PCYOX1: variants seen among roughly 807,000 people sequenced by gnomAD.
The protein encoded by PCYOX1 is prenylcysteine oxidase 1.
In PCYOX1, 46 loss-of-function variants were observed where a neutral mutation model predicts 46.4. The observed-to-expected ratio is 0.99, with a 90% CI of 0.78 to 1.27. PCYOX1 has a LOEUF of 1.27. Ranked by LOEUF, PCYOX1 falls within the 50% of genes most tolerant of loss-of-function variation. PCYOX1 has a pLI of 0.00. For missense variants in PCYOX1, 658 were observed against 628.3 expected (o/e 1.05, Z -0.51); for synonymous variants, 220 against 231.8 (o/e 0.95, Z 0.46).
At chr2:70,268,785 G>A (rs1336709057) in intron 3 of PCYOX1, among the ~76,000 whole-genome samples, 1 of 147,372 alleles carries the variant, frequency 6.8e-6, no homozygotes, top group Non-Finnish European at 1.5e-5. Flanking sequence ...GTGAAACTCT[G>A]TCTCAGAAAA....
upstream of PCYOX1, chr2:70,257,933 A>C (rs1696365548): frequency 1.0e-5 from 4 of 387,484 alleles, no homozygotes; most frequent in East Asian, 1.8e-4. Context: ...CTTCTGAAGG[A>C]GGGTGGGCTT....
intron 3 of PCYOX1, among the ~76,000 whole-genome samples, chr2:70,269,090 A>G (rs1039811594): frequency 2.0e-5 from 3 of 151,486 alleles, no homozygotes; most frequent in African/African-American, 2.4e-5. Context: ...TTGTTGAACT[A>G]TGTATTTCAG....
intron 1 of PCYOX1, 63 bp downstream of exon 1, chr2:70,258,339 C>A: frequency 4.6e-6 from 5 of 1,080,940 alleles, no homozygotes; most frequent in South Asian, 1.6e-5. Flanking sequence ...GCGGCCGCTG[C>A]GCAGTGCGCC....
chr2:70,270,413 G>A (rs1696586179), intron 3 of PCYOX1, among the ~76,000 whole-genome samples: 1 of 152,200 alleles, frequency 6.6e-6, no homozygotes, highest in Admixed American at 6.5e-5. Flanking sequence ...TTATGGAGGA[G>A]CAGATTTCCA....
rs2104902693 is a variant in PCYOX1, at chr2:70,278,422, A to G, written c.*1030A>G. The G allele has an allele frequency of 6.5e-6, 1 of 152,746 alleles. No homozygotes were observed. The highest frequency in any genetic ancestry group is 6.5e-5 in the Admixed American group (1 of 15,296). The allele number at this position is 152,746 out of a possible 1,614,324, so 9.5% of individuals were successfully genotyped here. A position where few individuals can be genotyped will look rare whatever the true frequency, so the allele number is the denominator to read the frequency against. On this transcript the variant is annotated 3_prime_UTR_variant, in exon 6 of 6. Transcript: ENST00000433351. ...GCCCAATCTGTATCAAAGCAGATCCATTTTGCAAGGATCTTTCTTTTAGAA... is the reference window on the plus strand; with the variant it reads ...GCCCAATCTGTATCAAAGCAGATCCGTTTTGCAAGGATCTTTCTTTTAGAA...
chr2:70,260,854 A>C lies in PCYOX1; in HGVS notation c.320-358A>C, dbSNP rs115687673. Among the ~76,000 whole-genome samples, 1,120 of 152,316 alleles carry C rather than the reference A, an allele frequency of 7.4e-3. 19 individuals carry two copies. The highest frequency in any genetic ancestry group is 0.025 in the African/African-American group (1,024 of 41,566). On this transcript the variant is annotated intron_variant, in intron 2 of 5. Coordinates refer to ENST00000433351, the MANE Select transcript of PCYOX1 (RefSeq NM_016297.4). Reference sequence around the variant, plus strand: ...TCCACGAGGGCGAAGGTATACCCAGAACAAATTATGCCACGAAGATGCATG... The same window carrying C: ...TCCACGAGGGCGAAGGTATACCCAGCACAAATTATGCCACGAAGATGCATG...
At chr2:70,265,860 T>C (rs1435118395) in intron 3 of PCYOX1, among the ~76,000 whole-genome samples, 1 of 152,198 alleles carries the variant, frequency 6.6e-6, no homozygotes, top group Non-Finnish European at 1.5e-5. Context: ...CCTTTCTTCC[T>C]TCCAGTTACT....
intron 3 of PCYOX1, among the ~76,000 whole-genome samples, chr2:70,269,299 C>T (rs1313580120): frequency 6.7e-6 from 1 of 149,490 alleles, no homozygotes; most frequent in Non-Finnish European, 1.5e-5. Context: ...CCTTGAGTGG[C>T]TGGGACTACA....
chr2:70,258,180 G>A lies in PCYOX1; in HGVS notation c.16G>A (p.Ala6Thr). 6.3e-7 allele frequency: 1 copy of A among 1,596,450 alleles called. No individual in the cohort carries two copies. Among genetic ancestry groups the A allele is most frequent in the South Asian group, 1.1e-5 (1 of 90,558 alleles). The change falls in exon 1 of 6, where the codon GCG (alanine) becomes ACG (threonine). Residue 6 changes from alanine to threonine, a missense_variant. Ala to Thr is a moderately conservative substitution (Grantham distance 58, BLOSUM62 0). Coordinates refer to ENST00000433351, the MANE Select transcript of PCYOX1 (RefSeq NM_016297.4). Reference sequence around the variant, plus strand: ...TGTGGAGGCCATGGGGCGCGTCGTCGCGGAGCTCGTCTCCTCGCTGCTGGG... The same window carrying A: ...TGTGGAGGCCATGGGGCGCGTCGTCACGGAGCTCGTCTCCTCGCTGCTGGG... Reference protein sequence around the residue: MGRVVAELVSSLLGLW... With the variant: MGRVVTELVSSLLGLW...
rs1249590294 is a variant in PCYOX1 at position 70,275,102 on chromosome 2, TC to T, written c.639del (p.Asn214MetfsTer3). ...LQKAGFSEKF[L>X]NEMIAPVMRV... is the part of the protein sequence containing the mutation. Reference sequence around the variant, plus strand: ...AAGGCCGGCTTTTCTGAGAAGTTCCTCAATGAAATGATTGCTCCTGTTATGA... The same window carrying T: ...AAGGCCGGCTTTTCTGAGAAGTTCCTAATGAAATGATTGCTCCTGTTATGA... On this transcript the variant is annotated frameshift_variant, in exon 4 of 6. Coordinates refer to ENST00000433351, the MANE Select transcript of PCYOX1 (RefSeq NM_016297.4). LOFTEE classifies it high-confidence loss of function. The T allele has an allele frequency of 6.2e-7, 1 of 1,614,040 alleles. No individual in the cohort carries two copies. The highest frequency in any genetic ancestry group is 1.3e-5 in the African/African-American group (1 of 74,930).
intron 5 of PCYOX1, among the ~76,000 whole-genome samples, chr2:70,276,383 T>G (rs1460378106): frequency 6.6e-6 from 1 of 151,892 alleles, no homozygotes; most frequent in African/African-American, 2.4e-5. Flanking sequence ...ATTTTTTGTA[T>G]TTTTAGTAGA....
Position 70,275,001 on chromosome 2 carries a change from CG to C in PCYOX1, c.538del (p.Glu180LysfsTer7). On this transcript the variant is annotated frameshift_variant, in exon 4 of 6. Transcript: ENST00000433351. LOFTEE classifies it high-confidence loss of function. ...CTCATGACTATGCCTTCAGTAGTGT[CG>C]AAAAATTACTTCATGCTCTAGGAGG... ...QSHDYAFSSV[E>X]KLLHALGGDD... 1 of 1,613,200 alleles carries C rather than the reference CG, an allele frequency of 6.2e-7. No individual in the cohort carries two copies. Among genetic ancestry groups the C allele is most frequent in the Non-Finnish European group, 8.5e-7 (1 of 1,179,144 alleles).
Position 70,278,949 on chromosome 2 carries a change from T to C in PCYOX1, c.*1557T>C, listed in dbSNP as rs1467343699. ...ATCTCTACAAAAAATTTTTAAAAAGTTGGCCAGGCATGGTAATGCGCGCCT... is the reference window on the plus strand; with the variant it reads ...ATCTCTACAAAAAATTTTTAAAAAGCTGGCCAGGCATGGTAATGCGCGCCT... On this transcript the variant is annotated 3_prime_UTR_variant, in exon 6 of 6. Transcript: ENST00000433351. 1 of 151,908 alleles carries C rather than the reference T, an allele frequency of 6.6e-6. No homozygotes were observed. Among genetic ancestry groups the C allele is most frequent in the African/African-American group, 2.4e-5 (1 of 41,340 alleles). 9.4% of individuals were successfully genotyped at this position (151,908 alleles called of 1,614,324 possible). A position where few individuals can be genotyped will look rare whatever the true frequency, so the allele number is the denominator to read the frequency against.
At chr2:70,262,144 G>C (rs995174931) in intron 3 of PCYOX1, among the ~76,000 whole-genome samples, 3 of 152,008 alleles carry the variant, frequency 2.0e-5, no homozygotes, top group African/African-American at 7.2e-5. Context: ...TAAAGCTGTT[G>C]GCATGTTCTA....
chr2:70,275,054 G>T lies in PCYOX1; in HGVS notation c.590G>T (p.Arg197Leu). 3 of 1,613,710 alleles carry T rather than the reference G, an allele frequency of 1.9e-6. No homozygotes were observed. Among genetic ancestry groups the T allele is most frequent in the Non-Finnish European group, 2.5e-6 (3 of 1,179,670 alleles). Reference sequence around the variant, plus strand: ...GATGACTTCCTTGGAATGCTTAATCGAACACTTCTTGAAACCTTGCAAAAG... The same window carrying T: ...GATGACTTCCTTGGAATGCTTAATCTAACACTTCTTGAAACCTTGCAAAAG... ...GGDDFLGMLN[R>L]TLLETLQKAG... Residue 197 changes from arginine (R) to leucine (L), a missense_variant, in exon 4 of 6, where the codon CGA becomes CTA. Transcript: ENST00000433351.
chr2:70,275,634 A>G lies in PCYOX1; in HGVS notation c.827A>G (p.Tyr276Cys), dbSNP rs1471536971. ...KSNLISGSVM[Y>C]IEEKTKTKYT... ...AATCTTATATCTGGCTCAGTAATGT[A>G]CATCGAGGAGAAAACAAAGACCAAG... The change falls in exon 5 of 6, where the codon TAC (tyrosine) becomes TGC (cysteine). Residue 276 changes from tyrosine to cysteine, a missense_variant. Coordinates refer to ENST00000433351, the MANE Select transcript of PCYOX1 (RefSeq NM_016297.4). 3.1e-6 allele frequency: 5 copies of G among 1,614,008 alleles called. No individual in the cohort carries two copies. Among genetic ancestry groups the G allele is most frequent in the Admixed American group, 1.7e-5 (1 of 59,988 alleles).
In PCYOX1 at chr2:70,274,983, C is replaced by G; in HGVS notation, c.519C>G (p.Asp173Glu). 3.7e-6 allele frequency: 6 copies of G among 1,609,222 alleles called. No individual in the cohort carries two copies. The highest frequency in any genetic ancestry group is 1.1e-5 in the South Asian group (1 of 90,984). ...GGATCTACCGCTACCAGTCTCATGACTATGCCTTCAGTAGTGTCGAAAAAT... is the reference window on the plus strand; with the variant it reads ...GGATCTACCGCTACCAGTCTCATGAGTATGCCTTCAGTAGTGTCGAAAAAT... ...FMRIYRYQSHDYAFSSVEKLL... is the reference protein window; with the variant it reads ...FMRIYRYQSHEYAFSSVEKLL... The change falls in exon 4 of 6, where the codon GAC (aspartate) becomes GAG (glutamate). Residue 173 changes from aspartate to glutamate, a missense_variant. By Grantham distance (45) the Asp-to-Glu change is conservative. Coordinates refer to ENST00000433351, the MANE Select transcript of PCYOX1 (RefSeq NM_016297.4).
intron 3 of PCYOX1, among the ~76,000 whole-genome samples, chr2:70,263,911 G>A (rs1229321258): frequency 2.6e-5 from 4 of 151,118 alleles, no homozygotes; most frequent in African/African-American, 9.7e-5. Flanking sequence ...TGCCTGTCTC[G>A]GCTTCCCAAA....
chr2:70,262,399 C>T (rs1021159125), intron 3 of PCYOX1, among the ~76,000 whole-genome samples: 21 of 151,804 alleles, frequency 1.4e-4, no homozygotes, highest in African/African-American at 4.3e-4. Flanking sequence ...CTCCTGACCT[C>T]AGGTGATCCA....
Sources: gnomAD v4.1 joint callset for allele counts (sites outside exome capture counted in the v4.1 genomes callset) on GRCh38, gnomAD v4.1.1 for gene constraint, MANE v1.5 for transcripts, NCBI Gene and HGNC (gene_info 2026-07-23, HGNC 2026-07-21) for gene names.